ST6GALNAC3: variants seen among roughly 807,000 people sequenced by gnomAD.
ST6GALNAC3 encodes ST6 N-acetylgalactosaminide alpha-2,6-sialyltransferase 3.
Under a neutral mutation model 32.7 loss-of-function variants are expected in ST6GALNAC3, and 25 were observed. The ratio of observed to expected loss-of-function variants is 0.76; its 90% confidence interval spans 0.56 to 1.07. The LOEUF (loss-of-function observed/expected upper bound fraction) is 1.07. Ranked by LOEUF, ST6GALNAC3 falls within the 50% of genes least tolerant of loss-of-function variation. The pLI is 0.00. For synonymous variants in ST6GALNAC3, 129 were observed against 133.1 expected, an observed-to-expected ratio of 0.97 and a Z score of 0.21; for missense variants, 355 against 382.4, an observed-to-expected ratio of 0.93 and a Z score of 0.60.
chr1:76,623,085 T>C (rs1226692689), intron 3 of ST6GALNAC3, among the ~76,000 whole-genome samples: 3 of 151,938 alleles, frequency 2.0e-5, no homozygotes, highest in South Asian at 2.1e-4. Flanking sequence ...ATCCATGTGA[T>C]GGCCTTTCGA....
chr1:76,301,300 G>T (rs2100848708), intron 1 of ST6GALNAC3, among the ~76,000 whole-genome samples: 1 of 151,990 alleles, frequency 6.6e-6, no homozygotes, highest in Non-Finnish European at 1.5e-5. Flanking sequence ...AACTTGAGTT[G>T]CTTCTGGGAC....
At chr1:76,601,696 G>A (rs1647243908) in intron 3 of ST6GALNAC3, among the ~76,000 whole-genome samples, 1 of 152,174 alleles carries the variant, frequency 6.6e-6, no homozygotes, top group Non-Finnish European at 1.5e-5. Flanking sequence ...CCAAGCCAGG[G>A]TTCAAAGGTA....
chr1:76,119,178 A>G (rs1232943988), intron 1 of ST6GALNAC3, among the ~76,000 whole-genome samples: 1 of 152,228 alleles, frequency 6.6e-6, no homozygotes, highest in Non-Finnish European at 1.5e-5. Context: ...CATTACAAGG[A>G]CAAGGGAGGA....
chr1:76,289,601 G>T (rs1246444324), intron 1 of ST6GALNAC3, among the ~76,000 whole-genome samples: 2 of 152,210 alleles, frequency 1.3e-5, no homozygotes, highest in African/African-American at 2.4e-5. Flanking sequence ...GGGTAAGAGG[G>T]ATGAGTGGAG....
intron 3 of ST6GALNAC3, among the ~76,000 whole-genome samples, chr1:76,462,060 G>A (rs187074063): frequency 8.9e-4 from 136 of 152,054 alleles, no homozygotes; most frequent in South Asian, 2.1e-3. Flanking sequence ...CACCCTGTAC[G>A]TGCTTCTTCT....
chr1:76,247,236 C>T (rs1040047997), intron 1 of ST6GALNAC3, among the ~76,000 whole-genome samples: 47 of 152,300 alleles, frequency 3.1e-4, no homozygotes, highest in African/African-American at 1.1e-3. Flanking sequence ...AGGTTTCTAT[C>T]GACCCCTGTC....
At chr1:76,550,513 A>G (rs1299222878) in intron 3 of ST6GALNAC3, among the ~76,000 whole-genome samples, 1 of 151,978 alleles carries the variant, frequency 6.6e-6, no homozygotes, top group Non-Finnish European at 1.5e-5. Flanking sequence ...TTTTTTCCCC[A>G]TGACAGTACT....
chr1:76,136,814 A>G (rs1399909646), intron 1 of ST6GALNAC3, among the ~76,000 whole-genome samples: 1 of 152,204 alleles, frequency 6.6e-6, no homozygotes, highest in African/African-American at 2.4e-5. Context: ...AGCCTTTATC[A>G]CTAACTTGGT....
intron 2 of ST6GALNAC3, among the ~76,000 whole-genome samples, chr1:76,369,858 T>C (rs1469730684): frequency 6.6e-6 from 1 of 152,190 alleles, no homozygotes; most frequent in South Asian, 2.1e-4. Flanking sequence ...CAAGATATTC[T>C]GAGCCTTGAA....
intron 2 of ST6GALNAC3, among the ~76,000 whole-genome samples, chr1:76,387,689 T>C (rs1417159854): frequency 6.6e-6 from 1 of 152,162 alleles, no homozygotes; most frequent in Admixed American, 6.6e-5. Context: ...AATTAAATTA[T>C]AGCACTAAGT....
chr1:76,577,152 G>T, intron 3 of ST6GALNAC3: 1 of 1,048,986 alleles, frequency 9.5e-7, no homozygotes, highest in Non-Finnish European at 1.2e-6. Context: ...TTGTCTCTCT[G>T]TTTTGATCAG....
intron 3 of ST6GALNAC3, among the ~76,000 whole-genome samples, chr1:76,557,776 C>A (rs1222503357): frequency 6.6e-6 from 1 of 152,016 alleles, no homozygotes; most frequent in Non-Finnish European, 1.5e-5. Context: ...CTTTGCATCC[C>A]ATTAGGGATG....
chr1:76,099,202 A>G (rs959512574), intron 1 of ST6GALNAC3, among the ~76,000 whole-genome samples: 2 of 151,962 alleles, frequency 1.3e-5, no homozygotes, highest in Non-Finnish European at 2.9e-5. Flanking sequence ...ATAGAGCCAA[A>G]CCTCCCACCT....
chr1:76,345,636 C>G (rs760437424), intron 2 of ST6GALNAC3, among the ~76,000 whole-genome samples: 1 of 152,106 alleles, frequency 6.6e-6, no homozygotes, highest in African/African-American at 2.4e-5. Flanking sequence ...ATGTTTTCTC[C>G]TCCATGATCC....
intron 3 of ST6GALNAC3, among the ~76,000 whole-genome samples, chr1:76,621,336 C>T (rs11805668): frequency 0.037 from 5,696 of 152,100 alleles, 351 homozygotes; most frequent in African/African-American, 0.13. Context: ...GGATTCCTTT[C>T]ACTTGGTTCA....
At chr1:76,095,773 A>G (rs1457877313) in intron 1 of ST6GALNAC3, among the ~76,000 whole-genome samples, 1 of 152,090 alleles carries the variant, frequency 6.6e-6, no homozygotes, top group African/African-American at 2.4e-5. Flanking sequence ...AGGGGTTTAT[A>G]CACTTTCCTT....
At chr1:76,307,265 G>A (rs1368152730) in intron 1 of ST6GALNAC3, among the ~76,000 whole-genome samples, 1 of 152,006 alleles carries the variant, frequency 6.6e-6, no homozygotes, top group Non-Finnish European at 1.5e-5. Context: ...TAATAAGCGG[G>A]ATACACCCAG....
intron 3 of ST6GALNAC3, among the ~76,000 whole-genome samples, chr1:76,447,259 T>A (rs1657045807): frequency 6.6e-6 from 1 of 152,132 alleles, no homozygotes; most frequent in Non-Finnish European, 1.5e-5. Context: ...GTCCTAGAAA[T>A]TTGTGGAACT....
At chr1:76,382,599 C>A (rs1280915434) in intron 2 of ST6GALNAC3, among the ~76,000 whole-genome samples, 1 of 152,132 alleles carries the variant, frequency 6.6e-6, no homozygotes. Context: ...TGGTGCTTCT[C>A]AAAGTATGGT....
Sources: gnomAD v4.1 joint callset for allele counts (sites outside exome capture counted in the v4.1 genomes callset) on GRCh38, gnomAD v4.1.1 for gene constraint, MANE v1.5 for transcripts, NCBI Gene and HGNC (gene_info 2026-07-23, HGNC 2026-07-21) for gene names.